The following DOCK2 variants were observed in gnomAD, a reference collection of about 807,000 sequenced individuals.
The protein encoded by DOCK2 is dedicator of cytokinesis protein 2.
A neutral mutation model predicts 248.9 loss-of-function variants in DOCK2; 87 were observed. The ratio of observed to expected loss-of-function variants is 0.35; its 90% CI spans 0.29 to 0.42. The LOEUF is 0.42. DOCK2 is among the 10% of genes least tolerant of loss of function. DOCK2 has a pLI of 1.00. For missense variants in DOCK2, 1,747 were observed against 2,300.2 expected (o/e 0.76, Z 4.92); for synonymous variants, 805 against 821.6 (o/e 0.98, Z 0.35).
intron 27 of DOCK2, among the ~76,000 whole-genome samples, chr5:169,860,837 G>T (rs1771153661): frequency 6.6e-6 from 1 of 152,184 alleles, no homozygotes; most frequent in Non-Finnish European, 1.5e-5. Context: ...ACAGAGAGCT[G>T]GTCTCAGGCT....
At chr5:170,016,605 C>A (rs1755547542) in intron 32 of DOCK2, among the ~76,000 whole-genome samples, 1 of 152,204 alleles carries the variant, frequency 6.6e-6, no homozygotes, top group Non-Finnish European at 1.5e-5. Context: ...GAATGCAGAT[C>A]AAAAGTATTT....
intron 25 of DOCK2, among the ~76,000 whole-genome samples, chr5:169,789,345 A>G (rs928386184): frequency 2.0e-5 from 3 of 152,242 alleles, no homozygotes; most frequent in African/African-American, 2.4e-5. Flanking sequence ...TAATAGAACG[A>G]ATTATATTTA....
At chr5:169,961,304 G>A (rs1002731759) in intron 27 of DOCK2, among the ~76,000 whole-genome samples, 4 of 152,242 alleles carry the variant, frequency 2.6e-5, no homozygotes, top group African/African-American at 9.6e-5. Flanking sequence ...ATTAAATTAA[G>A]ATGAATGGAA....
At chr5:170,052,022 G>A (rs1419241808) in intron 41 of DOCK2, among the ~76,000 whole-genome samples, 1 of 152,182 alleles carries the variant, frequency 6.6e-6, no homozygotes, top group Non-Finnish European at 1.5e-5. Flanking sequence ...ATAAATGCAA[G>A]GATAGGGCCA....
intron 27 of DOCK2, among the ~76,000 whole-genome samples, chr5:169,974,816 C>T (rs1002421703): frequency 1.3e-5 from 2 of 151,930 alleles, no homozygotes; most frequent in African/African-American, 4.8e-5. Context: ...GTTCTTTTTG[C>T]AATCATATTT....
At chr5:170,016,604 T>C (rs1755547442) in intron 32 of DOCK2, among the ~76,000 whole-genome samples, 1 of 152,230 alleles carries the variant, frequency 6.6e-6, no homozygotes, top group Non-Finnish European at 1.5e-5. Context: ...AGAATGCAGA[T>C]CAAAAGTATT....
At chr5:169,806,219 G>GTT (rs36108162) in intron 26 of DOCK2, among the ~76,000 whole-genome samples, 2,418 of 122,480 alleles carry the variant, frequency 0.02, 74 homozygotes, top group African/African-American at 0.047. Flanking sequence ...CACCTCGAGA[G>GTT]TTTTTTTTTT....
chr5:169,637,456 G>A, intron 1 of DOCK2, 87 bp downstream of exon 1: 1 of 1,269,174 alleles, frequency 7.9e-7, no homozygotes. Context: ...CCGGCGGCGC[G>A]GGGTGGGCAG....
chr5:169,973,881 T>A (rs1777615471), intron 27 of DOCK2, among the ~76,000 whole-genome samples: 1 of 152,222 alleles, frequency 6.6e-6, no homozygotes, highest in African/African-American at 2.4e-5. Flanking sequence ...CATTCATTCA[T>A]CTGTTAATTT....
At chr5:170,059,055 G>A (rs932246062) in intron 44 of DOCK2, among the ~76,000 whole-genome samples, 1 of 152,140 alleles carries the variant, frequency 6.6e-6, no homozygotes, top group Non-Finnish European at 1.5e-5. Flanking sequence ...GAACTGAGAT[G>A]CAGAGTTAAT....
intron 27 of DOCK2, among the ~76,000 whole-genome samples, chr5:169,904,381 C>A (rs1774150517): frequency 6.6e-6 from 1 of 152,150 alleles, no homozygotes; most frequent in African/African-American, 2.4e-5. Flanking sequence ...GCAACTTGTT[C>A]TCTCTAAATC....
intron 44 of DOCK2, among the ~76,000 whole-genome samples, chr5:170,060,210 G>A (rs1421977383): frequency 1.3e-5 from 2 of 152,144 alleles, no homozygotes; most frequent in Non-Finnish European, 2.9e-5. Context: ...CCCTGATCTA[G>A]GGGTCAGAGA....
At chr5:169,688,601 A>C (rs1760117077) in intron 8 of DOCK2, among the ~76,000 whole-genome samples, 1 of 152,230 alleles carries the variant, frequency 6.6e-6, no homozygotes, top group South Asian at 2.1e-4. Context: ...TCCTTTGAGC[A>C]TCATGTTGAC....
chr5:169,928,246 C>T (rs958099401), intron 27 of DOCK2, among the ~76,000 whole-genome samples: 1 of 152,238 alleles, frequency 6.6e-6, no homozygotes. Context: ...ACAGTTATTG[C>T]TGCCACAGGT....
intron 27 of DOCK2, among the ~76,000 whole-genome samples, chr5:169,943,477 G>T (rs1052752435): frequency 2.6e-5 from 4 of 152,138 alleles, no homozygotes; most frequent in African/African-American, 9.7e-5. Context: ...CACATAAAAA[G>T]ATTTTAGGGC....
chr5:170,021,056 G>C (rs1262658218), intron 33 of DOCK2, among the ~76,000 whole-genome samples: 4 of 152,230 alleles, frequency 2.6e-5, no homozygotes, highest in Admixed American at 6.5e-5. Context: ...AGACTAGTTT[G>C]CTATGATGAT....
chr5:169,966,424 A>G (rs935157403), intron 27 of DOCK2, among the ~76,000 whole-genome samples: 1 of 152,182 alleles, frequency 6.6e-6, no homozygotes, highest in Non-Finnish European at 1.5e-5. Flanking sequence ...AAGTGTAACC[A>G]TTTATTGAGC....
At chr5:169,937,771 C>G (rs879326514) in intron 27 of DOCK2, among the ~76,000 whole-genome samples, 1 of 152,246 alleles carries the variant, frequency 6.6e-6, no homozygotes, top group African/African-American at 2.4e-5. Flanking sequence ...AGGGAAGGTC[C>G]TGAGGGTCCT....
At chr5:169,950,574 T>C (rs1776620686) in intron 27 of DOCK2, among the ~76,000 whole-genome samples, 3 of 152,200 alleles carry the variant, frequency 2.0e-5, no homozygotes, top group Admixed American at 2.0e-4. Context: ...TCAGTTTCTC[T>C]TTTGGTTTTA....
Sources: allele counts gnomAD v4.1 joint callset (sites outside exome capture counted in the v4.1 genomes callset), GRCh38; gene constraint gnomAD v4.1.1; transcripts MANE v1.5; gene names NCBI Gene and HGNC (gene_info 2026-07-23, HGNC 2026-07-21).